Variants in RXRA observed in about 807,000 individuals in gnomAD.
RXRA encodes the protein retinoid X receptor alpha.
In RXRA, 5 loss-of-function variants were observed where a neutral mutation model predicts 44.5. That is an observed-to-expected ratio of 0.11 (90% CI 0.06 to 0.24). The LOEUF is 0.24. RXRA is among the 10% of genes least tolerant of loss of function. The pLI, the probability that RXRA is intolerant of heterozygous loss-of-function variation, is 1.00. For missense variants in RXRA, 412 were observed against 646.5 expected (o/e 0.64, Z 3.93); for synonymous variants, 291 against 271.4 (o/e 1.07, Z -0.71).
chr9:134,432,101 C>T (rs1564299349), intron 8 of RXRA, 105 bp downstream of exon 8: 13 of 774,634 alleles, frequency 1.7e-5, no homozygotes, highest in Admixed American at 2.2e-5. Context: ...CATGTGGGGC[C>T]AACTCCCACC....
intron 1 of RXRA, among the ~76,000 whole-genome samples, chr9:134,369,564 C>CG (rs559736465): frequency 1.4e-4 from 21 of 151,766 alleles, no homozygotes; most frequent in Admixed American, 3.3e-4. Context: ...GTTGTGCCTC[C>CG]GGGGGCTTCT....
chr9:134,398,700 G>A (rs1830916765), intron 1 of RXRA, among the ~76,000 whole-genome samples: 1 of 152,220 alleles, frequency 6.6e-6, no homozygotes, highest in Non-Finnish European at 1.5e-5. Flanking sequence ...TCTGGAGCAG[G>A]GGGTGGGTGG....
chr9:134,384,896 C>T (rs889819146), intron 1 of RXRA, among the ~76,000 whole-genome samples: 6 of 152,180 alleles, frequency 3.9e-5, no homozygotes, highest in East Asian at 1.9e-4. Flanking sequence ...GGTTTTCAGA[C>T]GGGTGTGAGC....
At chr9:134,368,428 C>G (rs1037100677) in intron 1 of RXRA, among the ~76,000 whole-genome samples, 1 of 152,232 alleles carries the variant, frequency 6.6e-6, no homozygotes, top group African/African-American at 2.4e-5. Context: ...CTGTGGTGTT[C>G]GGAGATGCGC....
intron 2 of RXRA, 81 bp downstream of exon 2, chr9:134,401,963 C>T (rs1830969809): frequency 8.7e-7 from 1 of 1,154,868 alleles, no homozygotes; most frequent in African/African-American, 1.5e-5. Flanking sequence ...ACCGCCTCAT[C>T]TTGAGGCCTC....
chr9:134,379,441 T>A (rs1830606929), intron 1 of RXRA: 1 of 987,168 alleles, frequency 1.0e-6, no homozygotes, highest in Non-Finnish European at 1.2e-6. Flanking sequence ...CATCCAGGCA[T>A]CTGTGTCTGT....
intron 1 of RXRA, among the ~76,000 whole-genome samples, chr9:134,329,406 C>T (rs1834969283): frequency 6.6e-6 from 1 of 152,222 alleles, no homozygotes; most frequent in African/African-American, 2.4e-5. Flanking sequence ...TGGAGGGGCC[C>T]TGTTTGTTGA....
intron 1 of RXRA, among the ~76,000 whole-genome samples, chr9:134,387,443 G>A (rs991228893): frequency 2.6e-5 from 4 of 152,258 alleles, no homozygotes; most frequent in African/African-American, 9.6e-5. Flanking sequence ...TCTGGCCAGG[G>A]TGCAAGCCTG....
At chr9:134,387,458 A>G (rs572550968) in intron 1 of RXRA, among the ~76,000 whole-genome samples, 1 of 152,350 alleles carries the variant, frequency 6.6e-6, no homozygotes, top group Admixed American at 6.5e-5. Context: ...AGCCTGGACC[A>G]TCTCGATTTT....
rs1242299910 is a variant in RXRA, at chr9:134,349,846, C to G, written c.28+23187C>G. ...GGTGGGCGGGCGGGTGCCGCAGGCT[C>G]TCCTGTGGTAGGAGTCGGGTGGACA... On this transcript the variant is annotated intron_variant, in intron 1 of 9. Transcript: ENST00000481739. This position sits in a 1 kb window ranked among gnomAD's most constrained non-coding sequence, Gnocchi z 4.3. Among the ~76,000 whole-genome samples, 3 of 152,200 alleles carry G rather than the reference C, an allele frequency of 2.0e-5. No homozygotes were observed. Among genetic ancestry groups the G allele is most frequent in the African/African-American group, 7.2e-5 (3 of 41,540 alleles).
In RXRA at chr9:134,407,404, T is replaced by C. The variant is rs2119155019; in HGVS notation, c.280-745T>C. ...GGCTGCAGCGGGAAGCGCCTGTGGG[T>C]CCTCGGCGCTGACTGCAGAGCTGGG... On this transcript the variant is annotated intron_variant, in intron 2 of 9. Transcript: ENST00000481739. This position sits in a 1 kb window ranked among gnomAD's most constrained non-coding sequence, Gnocchi z 4.8. Among the ~76,000 whole-genome samples, 1 of 152,280 alleles carries C rather than the reference T, an allele frequency of 6.6e-6. No homozygotes were observed. Among genetic ancestry groups the C allele is most frequent in the Non-Finnish European group, 1.5e-5 (1 of 68,020 alleles).
intron 1 of RXRA, among the ~76,000 whole-genome samples, chr9:134,394,714 C>T (rs1244677757): frequency 2.0e-5 from 3 of 152,200 alleles, no homozygotes; most frequent in Non-Finnish European, 4.4e-5. Context: ...ATCTTGACAT[C>T]ACGCCCCCTC....
At chr9:134,333,431 T>C (rs1007260940) in intron 1 of RXRA, among the ~76,000 whole-genome samples, 1 of 152,130 alleles carries the variant, frequency 6.6e-6, no homozygotes, top group Admixed American at 6.5e-5. Context: ...TTTCCCCAGC[T>C]GTACCCGGGG....
chr9:134,425,153 C>T, intron 6 of RXRA: 1 of 985,378 alleles, frequency 1.0e-6, no homozygotes, highest in Non-Finnish European at 1.2e-6. Context: ...GGTGCAGTGG[C>T]CACAGCCCTG....
At position 134,401,713 on chromosome 9, in the gene RXRA, T is replaced by A. The variant is rs1482220898; in HGVS notation, c.110T>A (p.Leu37Gln). 1 of 1,612,982 alleles carries A rather than the reference T, an allele frequency of 6.2e-7. No individual in the cohort carries two copies. Among genetic ancestry groups the A allele is most frequent in the East Asian group, 2.2e-5 (1 of 44,876 alleles). ...SMAAPSLHPS[L>Q]GPGIGSPGQL... ...GCTGCCCCCTCGCTGCACCCGTCCCTGGGGCCTGGCATCGGCTCCCCGGGA... is the reference window on the plus strand; with the variant it reads ...GCTGCCCCCTCGCTGCACCCGTCCCAGGGGCCTGGCATCGGCTCCCCGGGA... The change falls in exon 2 of 10, where the codon CTG becomes CAG. Residue 37 changes from leucine to glutamine, a missense_variant. Around this residue, in one of 4 missense-constraint regions of RXRA, gnomAD observed 156 missense variants for 177.2 expected, o/e 0.88. Transcript: ENST00000481739.
Position 134,342,772 on chromosome 9 carries a change from G to A in RXRA, c.28+16113G>A, listed in dbSNP as rs1337164403. 2.6e-5 allele frequency among the ~76,000 whole-genome samples: 4 copies of A among 152,158 alleles called. No individual in the cohort carries two copies. The highest frequency in any genetic ancestry group is 4.4e-5 in the Non-Finnish European group (3 of 68,024). ...CCCATAGGAGAGTGGACAGCGCCGCGGAGGAGGCTGCCTACCTGCCTTCCT... is the reference window on the plus strand; with the variant it reads ...CCCATAGGAGAGTGGACAGCGCCGCAGAGGAGGCTGCCTACCTGCCTTCCT... On this transcript the variant is annotated intron_variant, in intron 1 of 9. Coordinates refer to ENST00000481739, the MANE Select transcript of RXRA (RefSeq NM_002957.6). This position sits in a 1 kb window ranked among gnomAD's most constrained non-coding sequence, Gnocchi z 4.4.
At chr9:134,405,209 C>T (rs7862780) in intron 2 of RXRA, 10,048 of 152,392 alleles carry the variant, frequency 0.066, 437 homozygotes, top group African/African-American at 0.13. Flanking sequence ...GGCGGAAGAA[C>T]GCCCGCCTGG....
intron 6 of RXRA, 117 bp downstream of exon 6, chr9:134,421,922 T>TC: frequency 1.3e-6 from 2 of 1,489,516 alleles, no homozygotes; most frequent in Non-Finnish European, 1.8e-6. Context: ...CCTGGGACAC[T>TC]CCCCCCTCCC....
rs1433964187 is a variant in RXRA at position 134,349,584 on chromosome 9, A to G, written c.28+22925A>G. On this transcript the variant is annotated intron_variant, in intron 1 of 9. Coordinates refer to ENST00000481739, the MANE Select transcript of RXRA (RefSeq NM_002957.6). This position sits in a 1 kb window ranked among gnomAD's most constrained non-coding sequence, Gnocchi z 4.3. ...GCAACTTGGCGAGCATGGGCCAGAC[A>G]GGGGCAGGGTTCTCAGGTGGCCCCC... Among the ~76,000 whole-genome samples the G allele has an allele frequency of 6.6e-6, 1 of 152,044 alleles. No individual in the cohort carries two copies. Among genetic ancestry groups the G allele is most frequent in the Non-Finnish European group, 1.5e-5 (1 of 68,002 alleles).
Sources: gnomAD v4.1 joint callset for allele counts (sites outside exome capture counted in the v4.1 genomes callset) on GRCh38, gnomAD v4.1.1 for gene constraint, gnomAD v4.1.1 regional missense constraint, Gnocchi (gnomAD v3.1) non-coding constraint, MANE v1.5 for transcripts, NCBI Gene and HGNC (gene_info 2026-07-23, HGNC 2026-07-21) for gene names.